TCF3: variants seen among roughly 807,000 people sequenced by gnomAD.
The protein encoded by TCF3 is transcription factor 3.
In TCF3, 54 loss-of-function variants were observed where a neutral mutation model predicts 72.3. The observed-to-expected ratio is 0.75, with a 90% CI of 0.60 to 0.94. The LOEUF (loss-of-function observed/expected upper bound fraction) is 0.94, where lower values mean the gene tolerates loss of function less well. Among genes scored for constraint, TCF3 ranks in the 40% least tolerant of loss-of-function variants. TCF3 has a pLI of 0.00. For synonymous variants in TCF3, 525 were observed against 412.6 expected (o/e 1.27, Z -3.30); for missense variants, 1,078 against 934.4 (o/e 1.15, Z -2.00).
At chr19:1,611,871 C>T in intron 18 of TCF3, 22 bp from the exon 19 acceptor site, 1 of 1,564,824 alleles carries the variant, frequency 6.4e-7, no homozygotes, top group Non-Finnish European at 8.6e-7. Context: ...GGGGAGAGCT[C>T]TGTGGGAGAC....
rs369544333 is a variant in TCF3, at chr19:1,635,255, C to T, written c.146-2850G>A. On this transcript the variant is annotated intron_variant, in intron 3 of 18. Transcript: ENST00000262965. ...AAGTCCTGGGAGTCCTCCTCACCTT[C>T]CCTCCTCCCAAAGAACAGCAGCTTG... 2.6e-5 allele frequency among the ~76,000 whole-genome samples: 4 copies of T among 152,206 alleles called. No individual in the cohort carries two copies. The East Asian group carries it at 7.7e-4, about 29-fold the overall frequency.
At chr19:1,621,416 G>A (rs1247854505) in intron 11 of TCF3, among the ~76,000 whole-genome samples, 2 of 151,460 alleles carry the variant, frequency 1.3e-5, no homozygotes, top group Non-Finnish European at 3.0e-5. Flanking sequence ...TCCCCTTCTG[G>A]GCCTGGGTGG....
intron 3 of TCF3, among the ~76,000 whole-genome samples, chr19:1,634,397 G>A (rs1223957943): frequency 1.3e-5 from 2 of 152,212 alleles, no homozygotes; most frequent in African/African-American, 4.8e-5. Flanking sequence ...TTCCTGCCCT[G>A]GGCCAGCCTG....
chr19:1,621,695 G>T, intron 11 of TCF3, 143 bp downstream of exon 11: 2 of 1,137,480 alleles, frequency 1.8e-6, no homozygotes, highest in Non-Finnish European at 2.4e-6. Context: ...GCAGACAGCG[G>T]ACAATGAGAA....
intron 7 of TCF3, 23 bp from the exon 8 acceptor site, chr19:1,624,023 G>C (rs759778608): frequency 2.5e-6 from 4 of 1,612,554 alleles, no homozygotes; most frequent in African/African-American, 1.3e-5. Context: ...AAAGGGGTGA[G>C]AACCGGCCAC....
chr19:1,638,220 C>T (rs1222980354), intron 3 of TCF3, among the ~76,000 whole-genome samples: 2 of 152,236 alleles, frequency 1.3e-5, no homozygotes, highest in African/African-American at 4.8e-5. Flanking sequence ...TACATTACCC[C>T]TACCCTACAG....
chr19:1,650,771 G>A (rs2066899981), intron 1 of TCF3: 1 of 230,588 alleles, frequency 4.3e-6, no homozygotes, highest in Middle Eastern at 1.3e-3. Flanking sequence ...GGCACAGCCC[G>A]TTGAAGACCA....
At chr19:1,638,770 G>A (rs1017308474) in intron 3 of TCF3, among the ~76,000 whole-genome samples, 2 of 152,222 alleles carry the variant, frequency 1.3e-5, no homozygotes, top group Admixed American at 1.3e-4. Flanking sequence ...CACTGGCAGA[G>A]CCGCAAAGCG....
At chr19:1,642,908 T>C (rs2065544801) in intron 3 of TCF3, among the ~76,000 whole-genome samples, 1 of 152,246 alleles carries the variant, frequency 6.6e-6, no homozygotes, top group Non-Finnish European at 1.5e-5. Context: ...GGTGCCGTTC[T>C]GTGGATTTTC....
intron 7 of TCF3, 88 bp from the exon 8 acceptor site, chr19:1,624,088 C>T: frequency 7.3e-7 from 1 of 1,376,520 alleles, no homozygotes; most frequent in Non-Finnish European, 1.0e-6. Flanking sequence ...CTCACAATTC[C>T]CGTTTCATAT....
chr19:1,619,477 G>A lies in TCF3; in HGVS notation c.1168-3C>T, dbSNP rs1448834704. The stretch of plus-strand genomic sequence containing the variant: ...AGGTGGTCTTCTATCTTACTCTGCT[G>A]CAGGGTGGGGGGATGGGTGGTGAGG... On this transcript the variant is annotated splice_region_variant and splice_polypyrimidine_tract_variant and intron_variant, in intron 14 of 18. Transcript: ENST00000262965. 2 of 1,570,372 alleles carry A rather than the reference G, an allele frequency of 1.3e-6. No homozygotes were observed. Among genetic ancestry groups the A allele is most frequent in the Admixed American group, 1.7e-5 (1 of 57,930 alleles).
intron 3 of TCF3, among the ~76,000 whole-genome samples, chr19:1,644,936 A>G (rs1033188696): frequency 1.3e-5 from 2 of 152,090 alleles, no homozygotes; most frequent in Non-Finnish European, 2.9e-5. Context: ...CACACAGGGA[A>G]GCATTAGCAT....
chr19:1,631,855 G>T, intron 5 of TCF3, 183 bp downstream of exon 5: 1 of 1,474,814 alleles, frequency 6.8e-7, no homozygotes, highest in Non-Finnish European at 9.1e-7. Flanking sequence ...GTGCCAGGGA[G>T]TCCGGGCCAC....
chr19:1,648,814 GC>G (rs1040897597), intron 2 of TCF3, among the ~76,000 whole-genome samples: 23 of 103,016 alleles, frequency 2.2e-4, no homozygotes, highest in Non-Finnish European at 3.8e-4. Flanking sequence ...CTGCCACTGG[GC>G]ATGGGGGGGG....
intron 1 of TCF3, 147 bp from the exon 2 acceptor site, chr19:1,650,434 G>C: frequency 1.2e-5 from 7 of 600,390 alleles, no homozygotes; most frequent in Non-Finnish European, 2.0e-5. Context: ...CTGGGGGCAC[G>C]GGGAGCCCTG....
chr19:1,634,177 A>G (rs546231742), intron 3 of TCF3, among the ~76,000 whole-genome samples: 40 of 152,346 alleles, frequency 2.6e-4, no homozygotes, highest in Middle Eastern at 3.4e-3. Flanking sequence ...AAATGACAAA[A>G]ATAAGGACAG....
intron 16 of TCF3, 45 bp downstream of exon 16, chr19:1,619,066 C>G: frequency 6.3e-7 from 1 of 1,598,290 alleles, no homozygotes; most frequent in South Asian, 1.1e-5. Context: ...CTCAGTTTCC[C>G]CAACTGGAAC....
intron 14 of TCF3, 43 bp from the exon 15 acceptor site, chr19:1,619,517 G>A (rs780201037): frequency 2.6e-6 from 4 of 1,543,070 alleles, no homozygotes; most frequent in Non-Finnish European, 3.5e-6. Flanking sequence ...CAAGCCGAGG[G>A]ACCCCACAGG....
At chr19:1,641,887 C>A (rs1423143430) in intron 3 of TCF3, among the ~76,000 whole-genome samples, 1 of 152,006 alleles carries the variant, frequency 6.6e-6, no homozygotes, top group Non-Finnish European at 1.5e-5. Flanking sequence ...AGCCGCTGAC[C>A]CAGCCCTCTA....
Sources: gnomAD v4.1 joint callset for allele counts (sites outside exome capture counted in the v4.1 genomes callset) on GRCh38, gnomAD v4.1.1 for gene constraint, MANE v1.5 for transcripts, NCBI Gene and HGNC (gene_info 2026-07-23, HGNC 2026-07-21) for gene names.